The following NFKBID variants were observed in gnomAD, a reference collection of about 807,000 sequenced individuals.
NFKBID encodes NF-kappa-B inhibitor delta.
NFKBID carries 26 observed loss-of-function variants against 53.4 expected under a neutral mutation model. That is an observed-to-expected ratio of 0.49 (90% CI 0.36 to 0.68). The LOEUF (loss-of-function observed/expected upper bound fraction) is 0.68. Ranked by LOEUF, NFKBID falls within the 30% of genes least tolerant of loss-of-function variation. The pLI, the probability that NFKBID is intolerant of heterozygous loss-of-function variation, is 0.00. For synonymous variants in NFKBID, 262 were observed against 259.8 expected (o/e 1.01, Z -0.08); for missense variants, 493 against 614.1 (o/e 0.80, Z 2.08).
intron 9 of NFKBID, among the ~76,000 whole-genome samples, chr19:35,895,256 A>G (rs935774802): frequency 2.0e-5 from 3 of 149,606 alleles, no homozygotes; most frequent in African/African-American, 7.4e-5. Flanking sequence ...TGGGAGGATC[A>G]TTTGAGGTCA....
At chr19:35,890,556 A>G (rs893292077) in intron 9 of NFKBID, 66 bp from the exon 10 acceptor site, 2 of 1,094,498 alleles carry the variant, frequency 1.8e-6, no homozygotes, top group South Asian at 1.2e-5. Flanking sequence ...CACAGAATCC[A>G]GGAGTCTTTA....
At position 35,898,443 on chromosome 19, in the gene NFKBID, T is replaced by C. The variant is rs1200893163; in HGVS notation, c.226+29A>G. 3.4e-6 allele frequency: 5 copies of C among 1,469,070 alleles called. No individual in the cohort carries two copies. In the African/African-American group the frequency reaches 7.0e-5, roughly 21 times the overall value. The allele number at this position is 1,469,070 out of a possible 1,614,324, so 91.0% of individuals were successfully genotyped here. On this transcript the variant is annotated intron_variant, in intron 3 of 11. Transcript: ENST00000641389. ...GTCTGAGTCCCTTAGGGAAGGGGGA[T>C]GGGGAGGCCGGGAGCTGAGAGAACT...
intron 9 of NFKBID, among the ~76,000 whole-genome samples, chr19:35,891,117 C>T (rs1332893691): frequency 6.6e-6 from 1 of 152,166 alleles, no homozygotes; most frequent in Non-Finnish European, 1.5e-5. Flanking sequence ...TAAATTGCAT[C>T]CCGACCCACA....
Position 35,896,253 on chromosome 19 carries a change from C to A in NFKBID, c.848G>T (p.Gly283Val). The change falls in exon 8 of 12, where the codon GGG becomes GTG. Residue 283 changes from glycine (G) to valine (V), a missense_variant. Coordinates refer to ENST00000641389, the Ensembl canonical transcript of NFKBID. The surrounding 1 kb of genome is among the most constrained non-coding windows in gnomAD (Gnocchi z 5.7). ...TCTGGCTTCCAGGTCAACCTGGACC[C>A]CAGAGTTAAGCACAGCCTGGGAGGA... is the stretch of plus-strand genomic sequence containing the variant. The A allele has an allele frequency of 6.2e-7, 1 of 1,614,212 alleles. No individual in the cohort carries two copies. The highest frequency in any genetic ancestry group is 8.5e-7 in the Non-Finnish European group (1 of 1,180,032).
intron 9 of NFKBID, among the ~76,000 whole-genome samples, chr19:35,892,267 G>A (rs1483585780): frequency 1.3e-5 from 2 of 151,988 alleles, no homozygotes; most frequent in African/African-American, 2.4e-5. Context: ...GCCCAGGTTG[G>A]TCTCGAATTC....
intron 1 of NFKBID, 125 bp from the exon 2 acceptor site, chr19:35,898,947 T>C (rs1568496644): frequency 9.2e-6 from 6 of 654,640 alleles, no homozygotes; most frequent in South Asian, 5.3e-5. Flanking sequence ...AACTGGCACA[T>C]AGATGCCGCC....
chr19:35,892,975 G>T (rs1974875299), intron 9 of NFKBID, among the ~76,000 whole-genome samples: 1 of 152,062 alleles, frequency 6.6e-6, no homozygotes, highest in Non-Finnish European at 1.5e-5. Context: ...GACCAGCCTG[G>T]GCAACATAGT....
chr19:35,898,727 C>CGCCAG lies in NFKBID; in HGVS notation c.152_156dup (p.Gly53LeufsTer16). On this transcript the variant is annotated frameshift_variant, in exon 2 of 12. Coordinates refer to ENST00000641389, the Ensembl canonical transcript of NFKBID. LOFTEE classifies it high-confidence loss of function. ...TGGCTCCCTGGCCTCACCTGCACCC[C>CGCCAG]GCCAGCGTCGGGCTGCTGCTGCTGG... 6.5e-7 allele frequency: 1 copy of CGCCAG among 1,535,914 alleles called. No homozygotes were observed. Among genetic ancestry groups the CGCCAG allele is most frequent in the Non-Finnish European group, 8.7e-7 (1 of 1,146,768 alleles).
Position 35,896,876 on chromosome 19 carries a change from C to T in NFKBID, c.578+37G>A. ...AGCCGTGAGAACAGCCCCCACCAAG[C>T]CAAGAGTCTGCAGACAACCCTATCC... is the stretch of plus-strand genomic sequence containing the variant. On this transcript the variant is annotated intron_variant, in intron 5 of 11. Transcript: ENST00000641389. The surrounding 1 kb of genome is among the most constrained non-coding windows in gnomAD (Gnocchi z 5.7). The T allele has an allele frequency of 6.2e-7, 1 of 1,613,932 alleles. No individual in the cohort carries two copies. The highest frequency in any genetic ancestry group is 8.5e-7 in the Non-Finnish European group (1 of 1,179,810).
chr19:35,888,249 T>C, exon 12 of NFKBID: 2 of 341,246 alleles, frequency 5.9e-6, no homozygotes, highest in Non-Finnish European at 1.1e-5. Context: ...AGAGCTGAGT[T>C]AGGGGAGAGA....
chr19:35,900,803 T>C (rs1975521654), upstream of NFKBID: 1 of 373,438 alleles, frequency 2.7e-6, no homozygotes, highest in Non-Finnish European at 4.7e-6. Context: ...ATTTCTTTTC[T>C]TTTCTTTTTC....
rs1175559537 is a variant in NFKBID at position 35,896,695 on chromosome 19, A to G, written c.684+31T>C. 1.3e-6 allele frequency: 2 copies of G among 1,598,030 alleles called. No individual in the cohort carries two copies. The highest frequency in any genetic ancestry group is 1.4e-5 in the African/African-American group (1 of 73,774). Reference sequence around the variant, plus strand: ...AGGCCCCAGGCTCCTTCCTCCCCTGAACCCAGGAGAGTTCAGGCCCCAAGC... The same window carrying G: ...AGGCCCCAGGCTCCTTCCTCCCCTGGACCCAGGAGAGTTCAGGCCCCAAGC... On this transcript the variant is annotated intron_variant, in intron 6 of 11. Transcript: ENST00000641389. The surrounding 1 kb of genome is among the most constrained non-coding windows in gnomAD (Gnocchi z 5.7).
chr19:35,900,878 C>G (rs932209148), upstream of NFKBID, among the ~76,000 whole-genome samples: 1 of 126,074 alleles, frequency 7.9e-6, no homozygotes, highest in Non-Finnish European at 1.6e-5. Context: ...GAGTCTCTGT[C>G]GCCCAGGCTG....
At position 35,888,519 on chromosome 19, in the gene NFKBID, GT is replaced by G. The variant is rs757828050; in HGVS notation, c.*39del. 24 of 1,455,726 alleles carry G rather than the reference GT, an allele frequency of 1.6e-5. 1 individual carries two copies. In the Admixed American group the frequency reaches 4.7e-4, roughly 28 times the overall value. 90.2% of individuals were successfully genotyped at this position (1,455,726 alleles called of 1,614,324 possible). A position where few individuals can be genotyped will look rare whatever the true frequency, so the allele number is the denominator to read the frequency against. On this transcript the variant is annotated 3_prime_UTR_variant, in exon 12 of 12. Transcript: ENST00000641389. ...CATACGCTGGCTGTCCCGCAGGACG[GT>G]GGGGACTGGAAAATCAGTCCAGGGT...
chr19:35,901,128 T>C (rs560233095), upstream of NFKBID, among the ~76,000 whole-genome samples: 2 of 151,688 alleles, frequency 1.3e-5, no homozygotes, highest in South Asian at 4.2e-4. Flanking sequence ...CCATGGTGCC[T>C]GGCTGGGGCC....
chr19:35,894,634 G>A (rs940255221), intron 9 of NFKBID, among the ~76,000 whole-genome samples: 1 of 151,856 alleles, frequency 6.6e-6, no homozygotes, highest in African/African-American at 2.4e-5. Context: ...CAAGGTCAAG[G>A]CTGCAATAAG....
At position 35,893,769 on chromosome 19, in the gene NFKBID, G is replaced by A. The variant is rs557604131; in HGVS notation, c.1032+2211C>T. Among the ~76,000 whole-genome samples, 17 of 150,450 alleles carry A rather than the reference G, an allele frequency of 1.1e-4. No homozygotes were observed. In the East Asian group the frequency reaches 2.2e-3, roughly 19 times the overall value. On this transcript the variant is annotated intron_variant, in intron 9 of 11. Transcript: ENST00000641389. ...CGGGAGGCGGAGCTTACAGTGAGCC[G>A]AGATCGCACCACTGCACTCCAGCCT...
chr19:35,896,902 C>T lies in NFKBID; in HGVS notation c.578+11G>A. 1.2e-6 allele frequency: 2 copies of T among 1,611,400 alleles called. No individual in the cohort carries two copies. The highest frequency in any genetic ancestry group is 1.3e-5 in the African/African-American group (1 of 74,936). ...CAAGAGTCTGCAGACAACCCTATCCCTTATACTCACGTGTCCCCCTCCTCA... is the reference window on the plus strand; with the variant it reads ...CAAGAGTCTGCAGACAACCCTATCCTTTATACTCACGTGTCCCCCTCCTCA... On this transcript the variant is annotated intron_variant, in intron 5 of 11. Transcript: ENST00000641389. This position sits in a 1 kb window ranked among gnomAD's most constrained non-coding sequence, Gnocchi z 5.7.
Position 35,890,189 on chromosome 19 carries a change from C to T in NFKBID, c.1150-135G>A, listed in dbSNP as rs965875780. ...CCCAGACCTCCCCCGGCCACAGCCACGCTGCATGCATCCCTGTGTCCACGG... is the reference window on the plus strand; with the variant it reads ...CCCAGACCTCCCCCGGCCACAGCCATGCTGCATGCATCCCTGTGTCCACGG... On this transcript the variant is annotated intron_variant, in intron 10 of 11. Transcript: ENST00000641389. 3.2e-5 allele frequency: 30 copies of T among 950,606 alleles called. No homozygotes were observed. The South Asian group carries it at 3.6e-4, about 11-fold the overall frequency. The allele number at this position is 950,606 out of a possible 1,614,324, so 58.9% of individuals were successfully genotyped here.
Sources: allele counts gnomAD v4.1 joint callset (sites outside exome capture counted in the v4.1 genomes callset), GRCh38; gene constraint gnomAD v4.1.1; non-coding constraint Gnocchi (gnomAD v3.1); transcripts MANE v1.5; gene names NCBI Gene and HGNC (gene_info 2026-07-23, HGNC 2026-07-21).